Variants in IL1RAPL2 observed in about 807,000 individuals in gnomAD.
The protein encoded by IL1RAPL2 is X-linked interleukin-1 receptor accessory protein-like 2.
In IL1RAPL2, 3 loss-of-function variants were observed where a neutral mutation model predicts 44.1. The ratio of observed to expected loss-of-function variants is 0.07; its 90% CI spans 0.03 to 0.18. The LOEUF (loss-of-function observed/expected upper bound fraction) is 0.18, where lower values mean the gene tolerates loss of function less well. IL1RAPL2 is among the 10% of genes least tolerant of loss of function. IL1RAPL2 has a pLI of 1.00. For synonymous variants in IL1RAPL2, 181 were observed against 178.8 expected (o/e 1.01, Z -0.10); for missense variants, 391 against 496.4 (o/e 0.79, Z 2.02).
At chrX:104,636,792 AG>A (rs1929819179) in intron 1 of IL1RAPL2, among the ~76,000 whole-genome samples, 1 of 112,223 alleles carries the variant, frequency 8.9e-6, no homozygotes, top group Non-Finnish European at 1.9e-5. Flanking sequence ...TGTGCTTCCC[AG>A]GTGAGGCGAT....
intron 2 of IL1RAPL2, among the ~76,000 whole-genome samples, chrX:104,774,569 A>G (rs960672962): frequency 8.9e-6 from 1 of 111,923 alleles, no homozygotes; most frequent in Admixed American, 9.5e-5. Flanking sequence ...TCCAAACCAT[A>G]TTATCTGAAT....
At chrX:105,631,221 A>G (rs925871147) in intron 6 of IL1RAPL2, among the ~76,000 whole-genome samples, 1 of 111,942 alleles carries the variant, frequency 8.9e-6, no homozygotes, top group Non-Finnish European at 1.9e-5. Flanking sequence ...CTTTAAAATG[A>G]CACATTATAA....
intron 1 of IL1RAPL2, among the ~76,000 whole-genome samples, chrX:104,649,686 G>A (rs1336437139): frequency 1.8e-5 from 2 of 111,416 alleles, no homozygotes; most frequent in Non-Finnish European, 1.9e-5. Context: ...AATGTAACAA[G>A]AAATGATTAT....
At chrX:104,965,938 C>T (rs775087389) in intron 2 of IL1RAPL2, among the ~76,000 whole-genome samples, 47 of 108,168 alleles carry the variant, frequency 4.3e-4, no homozygotes, top group Middle Eastern at 4.8e-3. Flanking sequence ...TATCATATAC[C>T]TAGAGTTTCA....
intron 2 of IL1RAPL2, among the ~76,000 whole-genome samples, chrX:104,957,634 T>C (rs999634691): frequency 1.8e-5 from 2 of 112,418 alleles, no homozygotes; most frequent in Non-Finnish European, 3.8e-5. Flanking sequence ...AGTTTTATCA[T>C]TGCAACATTT....
chrX:105,404,665 G>T (rs1317107778), intron 5 of IL1RAPL2, among the ~76,000 whole-genome samples: 3 of 111,203 alleles, frequency 2.7e-5, no homozygotes, highest in Non-Finnish European at 3.8e-5. Flanking sequence ...ATATTCAAAT[G>T]GTTCAACAAA....
At chrX:105,084,330 T>G (rs1260954617) in intron 2 of IL1RAPL2, among the ~76,000 whole-genome samples, 2 of 112,708 alleles carry the variant, frequency 1.8e-5, no homozygotes, top group Non-Finnish European at 3.8e-5. Flanking sequence ...CACCAGCCTG[T>G]GAAAACAGCT....
At chrX:105,116,081 C>T (rs958146506) in intron 2 of IL1RAPL2, among the ~76,000 whole-genome samples, 2 of 97,799 alleles carry the variant, frequency 2.0e-5, no homozygotes, top group Non-Finnish European at 4.1e-5. Flanking sequence ...TTCCCGCCTG[C>T]GCCTCTCCCT....
chrX:104,705,148 T>C (rs1044352266), intron 2 of IL1RAPL2, among the ~76,000 whole-genome samples: 1 of 111,961 alleles, frequency 8.9e-6, no homozygotes, highest in African/African-American at 3.2e-5. Context: ...ACATTCATTA[T>C]GCCATTTAAC....
intron 6 of IL1RAPL2, among the ~76,000 whole-genome samples, chrX:105,670,427 G>A (rs1232095810): frequency 9.6e-6 from 1 of 103,922 alleles, no homozygotes; most frequent in African/African-American, 3.5e-5. Flanking sequence ...CAGCCTCCTG[G>A]TAGCTGGGAC....
rs778274502 is a variant in IL1RAPL2, at chrX:104,790,005, CAG to C, written c.82+131012_82+131013del. 2.1e-4 allele frequency among the ~76,000 whole-genome samples: 24 copies of C among 112,383 alleles called. No individual in the cohort carries two copies. The East Asian group carries it at 6.7e-3, about 32-fold the overall frequency. On this transcript the variant is annotated intron_variant, in intron 2 of 10. Transcript: ENST00000372582. Reference sequence around the variant, plus strand: ...TCATGTCACCAGGAGGAGCTGTCCACAGACTGCTTGATTTGTCACTGCTGTCT... The same window carrying C: ...TCATGTCACCAGGAGGAGCTGTCCACACTGCTTGATTTGTCACTGCTGTCT...
intron 5 of IL1RAPL2, among the ~76,000 whole-genome samples, chrX:105,442,007 C>T (rs1308885811): frequency 9.0e-6 from 1 of 110,833 alleles, no homozygotes; most frequent in African/African-American, 3.3e-5. Flanking sequence ...GTAATAACTA[C>T]AAAAAGGCTC....
At chrX:105,233,074 C>G (rs889820809) in intron 3 of IL1RAPL2, among the ~76,000 whole-genome samples, 3 of 111,761 alleles carry the variant, frequency 2.7e-5, no homozygotes, top group African/African-American at 6.5e-5. Flanking sequence ...ACGAGGTCAG[C>G]AGATCCAGAC....
At chrX:105,111,985 A>G (rs2032805964) in intron 2 of IL1RAPL2, among the ~76,000 whole-genome samples, 1 of 111,995 alleles carries the variant, frequency 8.9e-6, no homozygotes, top group Non-Finnish European at 1.9e-5. Flanking sequence ...AGAATTATCC[A>G]GAGCTTTCTA....
chrX:105,003,139 C>G (rs1401504232), intron 2 of IL1RAPL2, among the ~76,000 whole-genome samples: 1 of 110,811 alleles, frequency 9.0e-6, no homozygotes, highest in East Asian at 2.9e-4. Flanking sequence ...ATATTATATT[C>G]CTTCCCCTTT....
intron 3 of IL1RAPL2, among the ~76,000 whole-genome samples, chrX:105,201,686 C>A (rs2033719082): frequency 9.0e-6 from 1 of 111,645 alleles, no homozygotes; most frequent in South Asian, 3.7e-4. Flanking sequence ...ACCCTACTTC[C>A]CATCGCGGTT....
intron 6 of IL1RAPL2, among the ~76,000 whole-genome samples, chrX:105,584,434 A>G (rs1022043721): frequency 2.3e-4 from 26 of 110,827 alleles, no homozygotes; most frequent in African/African-American, 8.2e-4. Flanking sequence ...CTTTTTCAAA[A>G]TTTGTGTTTT....
At chrX:104,966,298 T>C (rs1050252918) in intron 2 of IL1RAPL2, among the ~76,000 whole-genome samples, 3 of 111,622 alleles carry the variant, frequency 2.7e-5, no homozygotes, top group Non-Finnish European at 5.7e-5. Flanking sequence ...ATTGAAAAAG[T>C]AATTGTTAGA....
intron 5 of IL1RAPL2, among the ~76,000 whole-genome samples, chrX:105,400,302 C>G (rs1179342847): frequency 9.0e-6 from 1 of 111,399 alleles, no homozygotes; most frequent in Admixed American, 9.6e-5. Context: ...TAGTTCAAGT[C>G]TTATGTCCTT....
Sources: gnomAD v4.1 joint callset for allele counts (sites outside exome capture counted in the v4.1 genomes callset) on GRCh38, gnomAD v4.1.1 for gene constraint, MANE v1.5 for transcripts, NCBI Gene and HGNC (gene_info 2026-07-23, HGNC 2026-07-21) for gene names.